Variants in ATP8A1 observed in about 807,000 individuals in gnomAD.
ATP8A1 encodes the protein ATPase phospholipid transporting 8A1.
In ATP8A1, 90 loss-of-function variants were observed where a neutral mutation model predicts 177.7. That is an observed-to-expected ratio of 0.51 (90% CI 0.43 to 0.60). ATP8A1 has a LOEUF of 0.60. Among genes scored for constraint, ATP8A1 ranks in the 20% least tolerant of loss-of-function variants. The pLI is 0.00. For missense variants in ATP8A1, 1,072 were observed against 1,392.8 expected (o/e 0.77, Z 3.67); for synonymous variants, 493 against 485.9 (o/e 1.01, Z -0.19).
chr4:42,438,769 AG>A (rs1240190445), intron 33 of ATP8A1, among the ~76,000 whole-genome samples: 2 of 152,218 alleles, frequency 1.3e-5, no homozygotes, highest in African/African-American at 4.8e-5. Context: ...TGAATTCCTC[AG>A]GATGCTAGCA....
At chr4:42,545,159 CAA>C (rs150594728) in intron 19 of ATP8A1, among the ~76,000 whole-genome samples, 317 of 83,660 alleles carry the variant, frequency 3.8e-3, no homozygotes, top group African/African-American at 0.01. Context: ...GACTCCGTCT[CAA>C]AAAAAAAAAA....
At chr4:42,604,365 T>A (rs796313596) in intron 5 of ATP8A1, among the ~76,000 whole-genome samples, 1 of 152,214 alleles carries the variant, frequency 6.6e-6, no homozygotes, top group Non-Finnish European at 1.5e-5. Flanking sequence ...ATAAGATCCA[T>A]GACAAGAGAA....
intron 20 of ATP8A1, among the ~76,000 whole-genome samples, chr4:42,527,243 C>T (rs745749872): frequency 5.3e-5 from 8 of 152,094 alleles, no homozygotes; most frequent in African/African-American, 1.4e-4. Context: ...TGTTATCATG[C>T]GAATGGCTGA....
In ATP8A1 at chr4:42,642,761, AC is replaced by A. The variant is rs1281857900; in HGVS notation, c.49+14063del. Among the ~76,000 whole-genome samples the A allele has an allele frequency of 2.6e-5, 4 of 152,312 alleles. No individual in the cohort carries two copies. The East Asian group carries it at 7.7e-4, about 29-fold the overall frequency. ...ATGCAACATTTTACCTCAAGATGCT[AC>A]TACTACTAATTAGAATCATGAAATT... On this transcript the variant is annotated intron_variant, in intron 1 of 36. Transcript: ENST00000381668.
chr4:42,545,631 C>A (rs1728829234), intron 19 of ATP8A1, among the ~76,000 whole-genome samples: 1 of 152,212 alleles, frequency 6.6e-6, no homozygotes, highest in Non-Finnish European at 1.5e-5. Context: ...GTTCCCTCCT[C>A]ACCCCAGAAG....
At chr4:42,461,259 TTTTGC>T (rs1340840964) in intron 27 of ATP8A1, among the ~76,000 whole-genome samples, 49 of 151,188 alleles carry the variant, frequency 3.2e-4, no homozygotes, top group African/African-American at 1.1e-3. Flanking sequence ...TTTTTTTTTT[TTTTGC>T]TTTTTGCTAA....
At chr4:42,517,863 C>G (rs145198314) in intron 22 of ATP8A1, among the ~76,000 whole-genome samples, 2,481 of 152,246 alleles carry the variant, frequency 0.016, 15 homozygotes, top group Middle Eastern at 0.037. Flanking sequence ...CCTCTCATCT[C>G]GAGATGACTG....
rs1431038169 is a variant in ATP8A1 at position 42,507,105 on chromosome 4, TG to T, written c.1996del (p.Gln666LysfsTer6). ...ATAIEDKLQD[Q>X]VPETIETLMK... ...TAGCGTTTCTATGGTTTCAGGCACT[TG>T]ATCTTGTAATTTATCCTCAATGGCT... On this transcript the variant is annotated frameshift_variant, in exon 23 of 37. Transcript: ENST00000381668. LOFTEE classifies it high-confidence loss of function. 1.2e-6 allele frequency: 2 copies of T among 1,613,992 alleles called. No individual in the cohort carries two copies. The highest frequency in any genetic ancestry group is 1.7e-6 in the Non-Finnish European group (2 of 1,179,970).
intron 5 of ATP8A1, among the ~76,000 whole-genome samples, chr4:42,611,717 T>G (rs984583567): frequency 2.0e-5 from 3 of 152,224 alleles, no homozygotes; most frequent in Admixed American, 6.5e-5. Flanking sequence ...ACAGCATATT[T>G]TTACCAGTTA....
At chr4:42,512,206 T>C (rs533077004) in intron 22 of ATP8A1, among the ~76,000 whole-genome samples, 1 of 152,320 alleles carries the variant, frequency 6.6e-6, no homozygotes, top group South Asian at 2.1e-4. Flanking sequence ...CAAGAACTAA[T>C]ACATACCCAA....
chr4:42,565,343 G>C (rs1181914115), intron 15 of ATP8A1, among the ~76,000 whole-genome samples: 1 of 152,208 alleles, frequency 6.6e-6, no homozygotes, highest in Non-Finnish European at 1.5e-5. Flanking sequence ...AGATCTCTTT[G>C]TTATACAGTC....
intron 4 of ATP8A1, among the ~76,000 whole-genome samples, chr4:42,616,961 G>C (rs890415348): frequency 6.6e-6 from 1 of 152,172 alleles, no homozygotes; most frequent in Non-Finnish European, 1.5e-5. Context: ...CTGCAGAAGA[G>C]CGGTGAGTGT....
chr4:42,647,447 C>CA lies in ATP8A1; in HGVS notation c.49+9377dup, dbSNP rs1740648504. ...CCCACCAGATTTAGAAAACGTAGCA[C>CA]AAAAAATGTAAACTACCACTCATAA... On this transcript the variant is annotated intron_variant, in intron 1 of 36. Coordinates refer to ENST00000381668, the MANE Select transcript of ATP8A1 (RefSeq NM_006095.2). Among the ~76,000 whole-genome samples, 3 of 151,730 alleles carry CA rather than the reference C, an allele frequency of 2.0e-5. No individual in the cohort carries two copies. The South Asian group carries it at 6.2e-4, about 32-fold the overall frequency.
At chr4:42,452,242 T>C (rs1718007578) in intron 29 of ATP8A1, among the ~76,000 whole-genome samples, 183 bp from the exon 30 acceptor site, 1 of 152,248 alleles carries the variant, frequency 6.6e-6, no homozygotes, top group Non-Finnish European at 1.5e-5. Flanking sequence ...TATTTATTTT[T>C]ATGTTTCTCA....
At chr4:42,468,260 A>G (rs991297646) in intron 25 of ATP8A1, among the ~76,000 whole-genome samples, 7 of 152,234 alleles carry the variant, frequency 4.6e-5, no homozygotes, top group African/African-American at 1.7e-4. Context: ...TCATTATACA[A>G]AAAAGCTACT....
rs1448371884 is a variant in ATP8A1, at chr4:42,409,992, C to T, written c.*2924G>A. ...TTTAGCAGAATACACATTCACCTGACTTGATTAGAAAAAGTTTTCCATTAA... is the reference window on the plus strand; with the variant it reads ...TTTAGCAGAATACACATTCACCTGATTTGATTAGAAAAAGTTTTCCATTAA... On this transcript the variant is annotated 3_prime_UTR_variant, in exon 37 of 37. Coordinates refer to ENST00000381668, the MANE Select transcript of ATP8A1 (RefSeq NM_006095.2). The T allele has an allele frequency of 6.6e-6, 1 of 152,118 alleles. No homozygotes were observed. The highest frequency in any genetic ancestry group is 2.4e-5 in the African/African-American group (1 of 41,420). 9.4% of individuals were successfully genotyped at this position (152,118 alleles called of 1,614,324 possible).
At chr4:42,574,479 TA>T in intron 14 of ATP8A1, 139 bp downstream of exon 14, 1 of 686,288 alleles carries the variant, frequency 1.5e-6, no homozygotes, top group Non-Finnish European at 2.5e-6. Context: ...ACATGTGTCC[TA>T]AAATTATAAC....
At chr4:42,617,194 C>T (rs1399772287) in intron 4 of ATP8A1, among the ~76,000 whole-genome samples, 1 of 151,972 alleles carries the variant, frequency 6.6e-6, no homozygotes, top group African/African-American at 2.4e-5. Flanking sequence ...ATGGCAACAC[C>T]CAAGAGGAAT....
intron 15 of ATP8A1, among the ~76,000 whole-genome samples, chr4:42,566,051 TA>T (rs1731308674): frequency 6.6e-6 from 1 of 152,206 alleles, no homozygotes; most frequent in Admixed American, 6.5e-5. Context: ...TTTATCTCTA[TA>T]AACTATTTAT....
Sources: gnomAD v4.1 joint callset for allele counts (sites outside exome capture counted in the v4.1 genomes callset) on GRCh38, gnomAD v4.1.1 for gene constraint, MANE v1.5 for transcripts, NCBI Gene and HGNC (gene_info 2026-07-23, HGNC 2026-07-21) for gene names.